WDR35: variants seen among roughly 807,000 people sequenced by gnomAD.
WDR35 encodes WD repeat-containing protein 35.
WDR35 carries 118 observed loss-of-function variants against 158.3 expected under a neutral mutation model. The ratio of observed to expected loss-of-function variants is 0.75; its 90% CI spans 0.64 to 0.87. The LOEUF is 0.87. Among genes scored for constraint, WDR35 ranks in the 40% least tolerant of loss-of-function variants. The pLI is 0.00. For synonymous variants in WDR35, 448 were observed against 476.1 expected (o/e 0.94, Z 0.77); for missense variants, 1,263 against 1,405.8 (o/e 0.90, Z 1.62).
chr2:19,963,261 G>T (rs1184755129), intron 10 of WDR35, among the ~76,000 whole-genome samples: 2 of 152,134 alleles, frequency 1.3e-5, no homozygotes, highest in East Asian at 1.9e-4. Flanking sequence ...TTTAAAAAGG[G>T]TGATTACATC....
intron 25 of WDR35, among the ~76,000 whole-genome samples, chr2:19,914,845 T>C (rs1331377445): frequency 6.6e-6 from 1 of 152,086 alleles, no homozygotes; most frequent in Admixed American, 6.5e-5. Context: ...AAGTTGTCAG[T>C]TGAGACAATT....
At chr2:19,936,418 AAG>A in intron 19 of WDR35, 53 bp from the exon 20 acceptor site, 2 of 1,612,018 alleles carry the variant, frequency 1.2e-6, no homozygotes, top group African/African-American at 2.7e-5. Context: ...AATATTTACC[AAG>A]AGCCTGCTGT....
In WDR35 at chr2:19,935,651, TGATA is replaced by T. The variant is rs772888918; in HGVS notation, c.2415-52_2415-49del. 5 of 1,596,992 alleles carry T rather than the reference TGATA, an allele frequency of 3.1e-6. No individual in the cohort carries two copies. In the Admixed American group the frequency reaches 6.8e-5, roughly 22 times the overall value. On this transcript the variant is annotated intron_variant, in intron 20 of 26. Coordinates refer to ENST00000281405, the MANE Select transcript of WDR35 (RefSeq NM_020779.4). ...ACTTTTAAAACTAATGTGAATCTCCTGATAAATAAGCACTTTCAACCAAAATGTT... is the reference window on the plus strand; with the variant it reads ...ACTTTTAAAACTAATGTGAATCTCCTAATAAGCACTTTCAACCAAAATGTT...
intron 11 of WDR35, among the ~76,000 whole-genome samples, chr2:19,958,414 A>G (rs527740912): frequency 6.6e-6 from 1 of 152,288 alleles, no homozygotes; most frequent in South Asian, 2.1e-4. Context: ...AGCAATACCT[A>G]GCACGCAGTA....
At chr2:19,913,773 T>C in intron 26 of WDR35, 65 bp from the exon 27 acceptor site, 1 of 1,595,556 alleles carries the variant, frequency 6.3e-7, no homozygotes. Context: ...CTTTATTTAA[T>C]ACACTTAAAA....
At chr2:19,963,979 G>A (rs1671752325) in intron 10 of WDR35, among the ~76,000 whole-genome samples, 1 of 152,050 alleles carries the variant, frequency 6.6e-6, no homozygotes, top group Admixed American at 6.5e-5. Flanking sequence ...CCTAACCTCA[G>A]GTGATCTGCC....
At chr2:19,982,090 C>T (rs765033522) in intron 3 of WDR35, among the ~76,000 whole-genome samples, 1 of 152,094 alleles carries the variant, frequency 6.6e-6, no homozygotes, top group East Asian at 1.9e-4. Context: ...CAGTAGAAAC[C>T]GTACTTCGAG....
chr2:19,985,925 A>T (rs1672551993), intron 2 of WDR35, among the ~76,000 whole-genome samples: 1 of 146,100 alleles, frequency 6.8e-6, no homozygotes, highest in South Asian at 2.2e-4. Context: ...AAAAAAAAAA[A>T]GCCTGACACT....
intron 17 of WDR35, 140 bp downstream of exon 17, chr2:19,941,619 C>T (rs1326024713): frequency 1.0e-5 from 6 of 593,504 alleles, no homozygotes; most frequent in Non-Finnish European, 1.2e-5. Flanking sequence ...CACCTAAAGG[C>T]TGAACAATAA....
At position 19,936,230 on chromosome 2, in the gene WDR35, A is replaced by G. The variant is rs1670690315; in HGVS notation, c.2403T>C (p.Asp801=). The G allele has an allele frequency of 1.2e-6, 2 of 1,613,824 alleles. No homozygotes were observed. The highest frequency in any genetic ancestry group is 1.7e-6 in the Non-Finnish European group (2 of 1,179,896). Residue 801 remains aspartate, a synonymous_variant, in exon 20 of 27, where the codon GAT becomes GAC. Transcript: ENST00000281405. ...ANNAIGDYFA[D]RQKWLNAVQY... The stretch of plus-strand genomic sequence containing the variant: ...GGTAAGTTACATACCACTTTTGTCG[A>G]TCAGCAAAGTAGTCTCCAATGGCAT...
At chr2:19,959,763 C>T (rs1294530658) in intron 11 of WDR35, among the ~76,000 whole-genome samples, 1 of 151,932 alleles carries the variant, frequency 6.6e-6, no homozygotes, top group African/African-American at 2.4e-5. Context: ...AAAAAAATGA[C>T]TAGTTCTCAG....
At chr2:19,945,735 T>A in intron 16 of WDR35, 51 bp downstream of exon 16, 1 of 1,601,266 alleles carries the variant, frequency 6.2e-7, no homozygotes, top group East Asian at 2.2e-5. Context: ...TCCAGGTTTT[T>A]ATATTTGGCT....
At chr2:19,957,903 G>T (rs555084479) in intron 11 of WDR35, among the ~76,000 whole-genome samples, 34 of 152,252 alleles carry the variant, frequency 2.2e-4, no homozygotes, top group Middle Eastern at 6.8e-3. Flanking sequence ...ACTGAACTTT[G>T]TAATGCTAAT....
In WDR35 at chr2:19,965,894, A is replaced by T. The variant is rs886423675; in HGVS notation, c.1194+830T>A. On this transcript the variant is annotated intron_variant, in intron 10 of 26. Transcript: ENST00000281405. ...TCCTGTGCCTCTTTGGGATTCCGTGATCTAAGCCAGTTGCCTCTGTTTTCT... is the reference window on the plus strand; with the variant it reads ...TCCTGTGCCTCTTTGGGATTCCGTGTTCTAAGCCAGTTGCCTCTGTTTTCT... Among the ~76,000 whole-genome samples, 3 of 152,112 alleles carry T rather than the reference A, an allele frequency of 2.0e-5. No individual in the cohort carries two copies. The East Asian group carries it at 5.8e-4, about 29-fold the overall frequency.
In WDR35 at chr2:19,911,238, A is replaced by T. The variant is rs1174127966; in HGVS notation, c.*2320T>A. 1 of 152,236 alleles carries T rather than the reference A, an allele frequency of 6.6e-6. No homozygotes were observed. The highest frequency in any genetic ancestry group is 1.5e-5 in the Non-Finnish European group (1 of 68,060). The allele number at this position is 152,236 out of a possible 1,614,324, so 9.4% of individuals were successfully genotyped here. A position where few individuals can be genotyped will look rare whatever the true frequency, so the allele number is the denominator to read the frequency against. On this transcript the variant is annotated 3_prime_UTR_variant, in exon 27 of 27. Coordinates refer to ENST00000281405, the MANE Select transcript of WDR35 (RefSeq NM_020779.4). ...AAAGCAAATGAAAGTGCAACCAACA[A>T]ATCACAGTAAGGGGCTAGAGGCATG...
intron 4 of WDR35, 53 bp downstream of exon 4, chr2:19,980,638 G>A: frequency 6.8e-7 from 1 of 1,473,270 alleles, no homozygotes; most frequent in Non-Finnish European, 9.5e-7. Flanking sequence ...CAAATACTGT[G>A]ATCCAGATGC....
chr2:19,936,250 T>C lies in WDR35; in HGVS notation c.2383A>G (p.Ile795Val), dbSNP rs749309645. ...DSLLEQANNA[I>V]GDYFADRQKW... ...TGTCGATCAGCAAAGTAGTCTCCAA[T>C]GGCATTGTTGGCTTGTTCCAGGAGA... Residue 795 changes from isoleucine to valine, a missense_variant, in exon 20 of 27, where the codon ATT becomes GTT. Physicochemically the swap from Ile to Val is conservative, Grantham distance 29. Coordinates refer to ENST00000281405, the MANE Select transcript of WDR35 (RefSeq NM_020779.4). 8.7e-6 allele frequency: 14 copies of C among 1,614,040 alleles called. No homozygotes were observed. In the South Asian group the frequency reaches 1.5e-4, roughly 18 times the overall value.
chr2:19,987,371 TC>T (rs1672602336), intron 2 of WDR35, among the ~76,000 whole-genome samples: 1 of 152,180 alleles, frequency 6.6e-6, no homozygotes, highest in African/African-American at 2.4e-5. Flanking sequence ...AATACTTTAC[TC>T]CATTTTCCAA....
In WDR35 at chr2:19,982,503, G is replaced by C. The variant is rs781758260; in HGVS notation, c.174C>G (p.Pro58=). Residue 58 remains proline (P), a synonymous_variant, in exon 3 of 27, where the codon CCC becomes CCG. Coordinates refer to ENST00000281405, the MANE Select transcript of WDR35 (RefSeq NM_020779.4). The stretch of plus-strand genomic sequence containing the variant: ...GAGTCTGATTCATAGAAAGGTTACT[G>C]GGGGCTGCAAGGCCCCTCAATTTTG... ...DDAKLRGLAA[P]SNLSMNQTLE... 4 of 1,613,740 alleles carry C rather than the reference G, an allele frequency of 2.5e-6. No individual in the cohort carries two copies.
Sources: gnomAD v4.1 joint callset for allele counts (sites outside exome capture counted in the v4.1 genomes callset) on GRCh38, gnomAD v4.1.1 for gene constraint, MANE v1.5 for transcripts, NCBI Gene and HGNC (gene_info 2026-07-23, HGNC 2026-07-21) for gene names.